Variants in ADGRD2 observed in about 807,000 individuals in gnomAD.
ADGRD2 encodes the protein G protein-coupled receptor PGR24.
Under a neutral mutation model 44.4 loss-of-function variants are expected in ADGRD2, and 71 were observed. The observed-to-expected ratio is 1.60, with a 90% CI of 1.32 to 1.95. ADGRD2 has a LOEUF of 1.95. ADGRD2 is among the 30% of genes most tolerant of loss of function. The pLI is 0.00. For synonymous variants in ADGRD2, 481 were observed against 224.8 expected, an observed-to-expected ratio of 2.14 and a Z score of -10.19; for missense variants, 1,039 against 512.4, an observed-to-expected ratio of 2.03 and a Z score of -9.92.
chr9:124,458,475 A>C (rs1029115693), intron 9 of ADGRD2, 141 bp from the exon 13 acceptor site: 1 of 628,410 alleles, frequency 1.6e-6, no homozygotes, highest in African/African-American at 1.8e-5. Flanking sequence ...CTAAGGCAAG[A>C]CTGAACCAGG....
intron 10 of ADGRD2, among the ~76,000 whole-genome samples, chr9:124,464,621 C>G (rs906630320): frequency 3.3e-5 from 5 of 152,232 alleles, no homozygotes; most frequent in African/African-American, 9.6e-5. Flanking sequence ...GCTACCTTCC[C>G]TACCTAGACT....
exon 11 of ADGRD2, chr9:124,466,304 C>A: frequency 1.4e-6 from 1 of 714,876 alleles, no homozygotes; most frequent in South Asian, 1.5e-5. Flanking sequence ...ACAGGGGGTG[C>A]CTGGGCCACC....
chr9:124,457,295 T>C (rs1831636999), intron 7 of ADGRD2, among the ~76,000 whole-genome samples, 177 bp from the exon 11 acceptor site: 1 of 152,168 alleles, frequency 6.6e-6, no homozygotes, highest in South Asian at 2.1e-4. Context: ...GTGACCCCCT[T>C]CCCCTGGAAT....
intron 17 of ADGRD2, among the ~76,000 whole-genome samples, chr9:124,472,413 GTC>G (rs1210987438): frequency 6.6e-6 from 1 of 151,938 alleles, no homozygotes; most frequent in Non-Finnish European, 1.5e-5. Context: ...TCTCTCCTCA[GTC>G]TCTCTGACAC....
At chr9:124,473,601 AG>A (rs1831991700) in intron 17 of ADGRD2, among the ~76,000 whole-genome samples, 1 of 152,248 alleles carries the variant, frequency 6.6e-6, no homozygotes, top group South Asian at 2.1e-4. Context: ...TCCCCATGCC[AG>A]GGCTGGCCTG....
At chr9:124,453,765 C>T in intron 3 of ADGRD2, 89 bp downstream of exon 6, 1 of 639,258 alleles carries the variant, frequency 1.6e-6, no homozygotes, top group Non-Finnish European at 2.8e-6. Flanking sequence ...GCCAACCAAG[C>T]CACGCCTAGC....
At chr9:124,462,160 C>T (rs1415531470) in intron 10 of ADGRD2, among the ~76,000 whole-genome samples, 5 of 151,994 alleles carry the variant, frequency 3.3e-5, no homozygotes. Context: ...CTGGCTCAAG[C>T]GATCCTCCTC....
intron 17 of ADGRD2, among the ~76,000 whole-genome samples, chr9:124,472,538 G>A (rs535515629): frequency 3.9e-5 from 6 of 151,934 alleles, no homozygotes; most frequent in South Asian, 2.1e-4. Flanking sequence ...ATGGAGTCTC[G>A]CTCTGTCGCC....
chr9:124,452,264 A>C (rs1831492327), intron 1 of ADGRD2, 110 bp downstream of exon 4: 2 of 635,476 alleles, frequency 3.1e-6, no homozygotes, highest in Non-Finnish European at 5.8e-6. Context: ...AGTAACATTT[A>C]GTTCCACCCC....
rs760822080 is a variant in ADGRD2, at chr9:124,454,495, C to T, written c.1036C>T (p.Arg346Trp). The change falls in exon 5 of 22, where the codon CGG becomes TGG. Residue 346 changes from arginine to tryptophan, a missense_variant. Physicochemically the swap from Arg to Trp is moderately radical, Grantham distance 101. Coordinates refer to ENST00000334810, the Ensembl canonical transcript of ADGRD2. The surrounding 1 kb of genome is among the most constrained non-coding windows in gnomAD (Gnocchi z 4.5). ...CCACTCCTTTGCAGAGCCCTATCGT[C>T]GGCTGCAGGATGCCCAGTCGTGGCC... 3.4e-5 allele frequency: 24 copies of T among 715,614 alleles called. No homozygotes were observed. The highest frequency in any genetic ancestry group is 1.9e-4 in the East Asian group (7 of 37,200). The allele number at this position is 715,614 out of a possible 1,614,324, so 44.3% of individuals were successfully genotyped here.
chr9:124,454,825 T>C lies in ADGRD2; in HGVS notation c.1109-18T>C. ...TCATAACAACCAGACCCAGAGTCAG[T>C]GGCTCCTCTGTCCACAGCTCCTCCC... On this transcript the variant is annotated intron_variant, in intron 5 of 21. Transcript: ENST00000334810. This position sits in a 1 kb window ranked among gnomAD's most constrained non-coding sequence, Gnocchi z 4.5. 1 of 676,270 alleles carries C rather than the reference T, an allele frequency of 1.5e-6. No individual in the cohort carries two copies. Among genetic ancestry groups the C allele is most frequent in the South Asian group, 1.5e-5 (1 of 64,562 alleles). 41.9% of individuals were successfully genotyped at this position (676,270 alleles called of 1,614,324 possible).
Position 124,476,718 on chromosome 9 carries a change from C to T in ADGRD2, c.*18+9C>T, listed in dbSNP as rs918940833. On this transcript the variant is annotated intron_variant, in intron 21 of 21. Transcript: ENST00000334810. ...AGCGTTCAAAGCTTCAGGTACAGTCCCCACCTCACGGGGTCCCCTCTTTTC... is the reference window on the plus strand; with the variant it reads ...AGCGTTCAAAGCTTCAGGTACAGTCTCCACCTCACGGGGTCCCCTCTTTTC... 1 of 701,054 alleles carries T rather than the reference C, an allele frequency of 1.4e-6. No individual in the cohort carries two copies. The highest frequency in any genetic ancestry group is 2.6e-6 in the Non-Finnish European group (1 of 383,754). 43.4% of individuals were successfully genotyped at this position (701,054 alleles called of 1,614,324 possible). A position where few individuals can be genotyped will look rare whatever the true frequency, so the allele number is the denominator to read the frequency against.
In ADGRD2 at chr9:124,468,189, AGGTGGGCAGCCAGTG is replaced by A. The variant is rs1293149608; in HGVS notation, c.2233+7_2233+21del. 2.1e-5 allele frequency: 15 copies of A among 718,166 alleles called. No homozygotes were observed. In the Admixed American group the frequency reaches 3.0e-4, roughly 14 times the overall value. The allele number at this position is 718,166 out of a possible 1,614,324, so 44.5% of individuals were successfully genotyped here. A position where few individuals can be genotyped will look rare whatever the true frequency, so the allele number is the denominator to read the frequency against. On this transcript the variant is annotated splice_donor_variant and splice_donor_5th_base_variant and coding_sequence_variant and intron_variant, in exon 13 of 22. Coordinates refer to ENST00000334810, the Ensembl canonical transcript of ADGRD2. LOFTEE classifies it high-confidence loss of function. ...ACCAGCGAGTGGGCCAAGGCCAATG[AGGTGGGCAGCCAGTG>A]GGTGGGCTGGAAGCCCGGGGAAGCC...
chr9:124,455,328 C>T (rs979900006), intron 6 of ADGRD2, among the ~76,000 whole-genome samples: 1 of 152,246 alleles, frequency 6.6e-6, no homozygotes, highest in Admixed American at 6.5e-5. Context: ...TGGTGGCTCA[C>T]GCCCATAATC....
chr9:124,458,492 A>G, intron 9 of ADGRD2, 124 bp from the exon 13 acceptor site: 1 of 632,548 alleles, frequency 1.6e-6, no homozygotes, highest in Non-Finnish European at 2.9e-6. Flanking sequence ...CAGGTGCCAC[A>G]ATTCCTGATA....
chr9:124,455,235 T>C, intron 6 of ADGRD2, 108 bp downstream of exon 9: 1 of 589,282 alleles, frequency 1.7e-6, no homozygotes, highest in Non-Finnish European at 3.0e-6. Flanking sequence ...ATGGGCTCCA[T>C]CTCTGCGTCT....
chr9:124,464,271 T>C (rs1831773187), intron 10 of ADGRD2, among the ~76,000 whole-genome samples: 1 of 152,228 alleles, frequency 6.6e-6, no homozygotes, highest in South Asian at 2.1e-4. Context: ...AAAATTGTAT[T>C]ACTCAGAGAT....
chr9:124,463,146 C>T (rs558607217), intron 10 of ADGRD2, among the ~76,000 whole-genome samples: 13 of 152,238 alleles, frequency 8.5e-5, no homozygotes. Context: ...TGTAGATGTC[C>T]ATCAAATCAA....
At chr9:124,473,513 C>A (rs940104925) in intron 17 of ADGRD2, among the ~76,000 whole-genome samples, 1 of 152,226 alleles carries the variant, frequency 6.6e-6, no homozygotes, top group African/African-American at 2.4e-5. Flanking sequence ...ACGCACAATC[C>A]CTGGCACGTG....
Sources: allele counts gnomAD v4.1 joint callset (sites outside exome capture counted in the v4.1 genomes callset), GRCh38; gene constraint gnomAD v4.1.1; non-coding constraint Gnocchi (gnomAD v3.1); transcripts MANE v1.5; gene names NCBI Gene and HGNC (gene_info 2026-07-23, HGNC 2026-07-21).